OSGIN2: variants seen among roughly 807,000 people sequenced by gnomAD.
OSGIN2 encodes the protein oxidative stress-induced growth inhibitor 2.
Under a neutral mutation model 53.8 loss-of-function variants are expected in OSGIN2, and 19 were observed. The observed-to-expected ratio is 0.35, with a 90% CI of 0.25 to 0.52. OSGIN2 has a LOEUF of 0.52. Ranked by LOEUF, OSGIN2 falls within the 20% of genes least tolerant of loss-of-function variation. The pLI, the probability that OSGIN2 is intolerant of heterozygous loss-of-function variation, is 0.95. For synonymous variants in OSGIN2, 236 were observed against 236.0 expected, an observed-to-expected ratio of 1.00 and a Z score of 0.00; for missense variants, 520 against 662.7, an observed-to-expected ratio of 0.78 and a Z score of 2.36.
chr8:89,917,336 C>T lies in OSGIN2; in HGVS notation c.528+2590C>T, dbSNP rs1304181953. ...TCAAGCTTATCACCCAGTTAATTCA[C>T]ACTATAGATAATCTTTGAACACAGA... On this transcript the variant is annotated intron_variant, in intron 4 of 5. Coordinates refer to ENST00000451899, the MANE Select transcript of OSGIN2 (RefSeq NM_001126111.3). Among the ~76,000 whole-genome samples the T allele has an allele frequency of 2.0e-5, 3 of 152,330 alleles. No individual in the cohort carries two copies. In the East Asian group the frequency reaches 5.8e-4, roughly 29 times the overall value.
chr8:89,914,239 AAAAATTTTTT>A (rs1305334311), intron 3 of OSGIN2, 26 bp downstream of exon 3: 3 of 1,545,578 alleles, frequency 1.9e-6, no homozygotes, highest in Non-Finnish European at 2.6e-6. Flanking sequence ...TGTCAATTTA[AAAAATTTTTT>A]TATGCTGAAA....
chr8:89,901,872 G>A (rs1285865082), upstream of OSGIN2: 6 of 152,342 alleles, frequency 3.9e-5, no homozygotes, highest in Non-Finnish European at 8.8e-5. Flanking sequence ...GTGGTCTGGG[G>A]CGGGCCTGAT....
At chr8:89,921,452 C>T in intron 5 of OSGIN2, 1 of 291,328 alleles carries the variant, frequency 3.4e-6, no homozygotes, top group Non-Finnish European at 6.4e-6. Flanking sequence ...TGTTTAGTTA[C>T]TTTCTCATCC....
At chr8:89,912,318 G>A (rs1381746579) in intron 2 of OSGIN2, among the ~76,000 whole-genome samples, 1 of 152,198 alleles carries the variant, frequency 6.6e-6, no homozygotes, top group Non-Finnish European at 1.5e-5. Context: ...TGGAAAGATG[G>A]TTGAGATGTA....
intron 1 of OSGIN2, among the ~76,000 whole-genome samples, 191 bp downstream of exon 1, chr8:89,903,028 C>T (rs1228512248): frequency 1.3e-5 from 2 of 152,122 alleles, no homozygotes; most frequent in Non-Finnish European, 2.9e-5. Flanking sequence ...TCCGGGGAGC[C>T]CTGCGCTGTT....
At chr8:89,902,209 G>T (rs1300316360), upstream of OSGIN2, 3 of 152,256 alleles carry the variant, frequency 2.0e-5, no homozygotes, top group African/African-American at 4.8e-5. Flanking sequence ...AGGGAACTCC[G>T]CCGGGCCATC....
Position 89,926,103 on chromosome 8 carries a change from CT to C in OSGIN2, c.*572del, listed in dbSNP as rs1212770065. ...GAAAATGGATATAAGGTATGTATAA[CT>C]GGGGGTGGGGTGAGGGTAGGAGGCA... On this transcript the variant is annotated 3_prime_UTR_variant, in exon 6 of 6. Coordinates refer to ENST00000451899, the MANE Select transcript of OSGIN2 (RefSeq NM_001126111.3). 3.3e-5 allele frequency: 5 copies of C among 152,284 alleles called. No individual in the cohort carries two copies. Among genetic ancestry groups the C allele is most frequent in the African/African-American group, 1.2e-4 (5 of 41,414 alleles). 9.4% of individuals were successfully genotyped at this position (152,284 alleles called of 1,614,324 possible).
intron 1 of OSGIN2, among the ~76,000 whole-genome samples, chr8:89,904,555 C>G (rs1444648972): frequency 6.6e-6 from 1 of 152,016 alleles, no homozygotes. Context: ...TTTACCAGCT[C>G]CTTCAGGAAT....
intron 1 of OSGIN2, among the ~76,000 whole-genome samples, chr8:89,907,743 T>G (rs1808870753): frequency 6.6e-6 from 1 of 152,212 alleles, no homozygotes; most frequent in South Asian, 2.1e-4. Flanking sequence ...CTATTTAGGC[T>G]CTTTTTTGGT....
chr8:89,916,192 T>G (rs1809075285), intron 4 of OSGIN2, among the ~76,000 whole-genome samples: 1 of 152,208 alleles, frequency 6.6e-6, no homozygotes, highest in Non-Finnish European at 1.5e-5. Context: ...TTACTTACAT[T>G]TTTTCCGCTT....
Position 89,924,582 on chromosome 8 carries a change from A to G in OSGIN2, c.700A>G (p.Lys234Glu). The G allele has an allele frequency of 6.2e-7, 1 of 1,613,968 alleles. No homozygotes were observed. The highest frequency in any genetic ancestry group is 8.5e-7 in the Non-Finnish European group (1 of 1,179,820). ...TTATGTAAAAGTCATGGGTCTTCAGAAGAATTTCAGAGAGAATACTTACAT... is the reference window on the plus strand; with the variant it reads ...TTATGTAAAAGTCATGGGTCTTCAGGAGAATTTCAGAGAGAATACTTACAT... The part of the protein sequence containing the change: ...KHYVKVMGLQ[K>E]NFRENTYITS... The change falls in exon 6 of 6, where the codon AAG becomes GAG. Residue 234 changes from lysine to glutamate, a missense_variant. Lys to Glu is a moderately conservative substitution (Grantham distance 56). Transcript: ENST00000451899.
At chr8:89,908,207 T>C (rs1368444062) in intron 1 of OSGIN2, among the ~76,000 whole-genome samples, 1 of 152,152 alleles carries the variant, frequency 6.6e-6, no homozygotes, top group African/African-American at 2.4e-5. Context: ...AATAGATGGA[T>C]TGAGCATATA....
intron 2 of OSGIN2, among the ~76,000 whole-genome samples, chr8:89,910,771 C>T (rs1808951819): frequency 6.6e-6 from 1 of 152,138 alleles, no homozygotes; most frequent in South Asian, 2.1e-4. Context: ...AAAACTTAAC[C>T]TTCATTTGCA....
rs533643096 is a variant in OSGIN2 at position 89,917,364 on chromosome 8, G to A, written c.528+2618G>A. Among the ~76,000 whole-genome samples the A allele has an allele frequency of 1.5e-4, 23 of 152,262 alleles. 1 individual carries two copies. In the East Asian group the frequency reaches 2.7e-3, roughly 18 times the overall value. ...TATAGATAATCTTTGAACACAGAGC[G>A]TGCTCCAGGCTGTGATCTTCATATC... On this transcript the variant is annotated intron_variant, in intron 4 of 5. Transcript: ENST00000451899.
At chr8:89,922,802 A>G (rs1809236550) in intron 5 of OSGIN2, among the ~76,000 whole-genome samples, 1 of 152,182 alleles carries the variant, frequency 6.6e-6, no homozygotes, top group South Asian at 2.1e-4. Flanking sequence ...AAGTGTACTT[A>G]ACACAAACCT....
At position 89,921,185 on chromosome 8, in the gene OSGIN2, T is replaced by A; in HGVS notation, c.620+14T>A. On this transcript the variant is annotated intron_variant, in intron 5 of 5. Transcript: ENST00000451899. Reference sequence around the variant, plus strand: ...AAGTAAACGAAGGTAAAGATTGAACTGTATTAAAATTCTTTGGTGTACGTT... The same window carrying A: ...AAGTAAACGAAGGTAAAGATTGAACAGTATTAAAATTCTTTGGTGTACGTT... 4 of 1,444,182 alleles carry A rather than the reference T, an allele frequency of 2.8e-6. No individual in the cohort carries two copies. The highest frequency in any genetic ancestry group is 2.1e-5 in the Admixed American group (1 of 46,842). 89.5% of individuals were successfully genotyped at this position (1,444,182 alleles called of 1,614,324 possible). A position where few individuals can be genotyped will look rare whatever the true frequency, so the allele number is the denominator to read the frequency against.
intron 1 of OSGIN2, among the ~76,000 whole-genome samples, chr8:89,909,000 G>C (rs1380471717): frequency 3.1e-5 from 2 of 64,892 alleles, no homozygotes; most frequent in East Asian, 4.6e-4. Context: ...GACAGAGCAA[G>C]ACCTTGTTTC....
chr8:89,925,323 A>G lies in OSGIN2; in HGVS notation c.1441A>G (p.Ile481Val), dbSNP rs1466970491. Residue 481 changes from isoleucine (I) to valine (V), a missense_variant, in exon 6 of 6, where the codon ATC (isoleucine) becomes GTC (valine). Transcript: ENST00000451899. ...CYLGHKSSQP[I>V]TCKGNPVEID... ...CCTAGGCCATAAGTCAAGCCAGCCA[A>G]TCACATGTAAGGGTAATCCTGTGGA... 4 of 1,614,016 alleles carry G rather than the reference A, an allele frequency of 2.5e-6. No individual in the cohort carries two copies. Among genetic ancestry groups the G allele is most frequent in the Non-Finnish European group, 3.4e-6 (4 of 1,179,986 alleles).
chr8:89,904,577 T>G (rs1164436348), intron 1 of OSGIN2, among the ~76,000 whole-genome samples: 1 of 152,178 alleles, frequency 6.6e-6, no homozygotes, highest in Non-Finnish European at 1.5e-5. Flanking sequence ...TGTTTCTGAT[T>G]TACCAGTGCT....
Sources: gnomAD v4.1 joint callset for allele counts (sites outside exome capture counted in the v4.1 genomes callset) on GRCh38, gnomAD v4.1.1 for gene constraint, MANE v1.5 for transcripts, NCBI Gene and HGNC (gene_info 2026-07-23, HGNC 2026-07-21) for gene names.